Variants in HTRA1 observed in about 807,000 individuals in gnomAD.
HTRA1 encodes HtrA serine peptidase 1.
A neutral mutation model predicts 49.7 loss-of-function variants in HTRA1; 26 were observed. The observed-to-expected ratio is 0.52, with a 90% CI of 0.38 to 0.73. HTRA1 has a LOEUF of 0.73. Ranked by LOEUF, HTRA1 falls within the 30% of genes least tolerant of loss-of-function variation. The pLI, the probability that HTRA1 is intolerant of heterozygous loss-of-function variation, is 0.00. For missense variants in HTRA1, 561 were observed against 667.2 expected, an observed-to-expected ratio of 0.84 and a Z score of 1.75; for synonymous variants, 291 against 286.9, an observed-to-expected ratio of 1.01 and a Z score of -0.14.
chr10:122,498,363 C>G (rs1205011500), intron 3 of HTRA1, among the ~76,000 whole-genome samples: 1 of 152,164 alleles, frequency 6.6e-6, no homozygotes, highest in East Asian at 1.9e-4. Context: ...TCTTCTCAGT[C>G]TGTATATGTC....
At chr10:122,477,093 G>C (rs930921385) in intron 1 of HTRA1, among the ~76,000 whole-genome samples, 3 of 150,026 alleles carry the variant, frequency 2.0e-5, no homozygotes, top group African/African-American at 2.5e-5. Context: ...TCAGCCTCCC[G>C]AGTAGCTGGG....
intron 1 of HTRA1, among the ~76,000 whole-genome samples, chr10:122,485,170 T>G (rs1336394726): frequency 6.6e-6 from 1 of 152,266 alleles, no homozygotes; most frequent in Non-Finnish European, 1.5e-5. Context: ...TTTCTTCTTC[T>G]TTCAGTTGAC....
Position 122,507,421 on chromosome 10 carries a change from A to C in HTRA1, c.1005+19A>C, listed in dbSNP as rs540881121. The C allele has an allele frequency of 6.3e-7, 1 of 1,583,592 alleles. No homozygotes were observed. The highest frequency in any genetic ancestry group is 1.1e-5 in the South Asian group (1 of 90,458). On this transcript the variant is annotated intron_variant, in intron 5 of 8. Transcript: ENST00000368984. ...AAACCTGGTAAGGTCTTTTAAACCT[A>C]TGTTAGGTCATTTGTTTTTATCTAT...
intron 1 of HTRA1, among the ~76,000 whole-genome samples, chr10:122,480,648 C>T (rs1032318614): frequency 2.0e-5 from 3 of 152,090 alleles, no homozygotes; most frequent in Non-Finnish European, 4.4e-5. Context: ...GGCGTGAGTG[C>T]CCCTCATGCT....
At position 122,468,471 on chromosome 10, in the gene HTRA1, G is replaced by C. The variant is rs111944833; in HGVS notation, c.472+6347G>C. On this transcript the variant is annotated intron_variant, in intron 1 of 8. Transcript: ENST00000368984. ...CAAGGCACTGACAAAGGAGTCAGCT[G>C]TGTGGGAGGAGTGCTGGGACACTCT... Among the ~76,000 whole-genome samples, 954 of 151,358 alleles carry C rather than the reference G, an allele frequency of 6.3e-3. 16 individuals are homozygous for C. Among genetic ancestry groups the C allele is most frequent in the African/African-American group, 0.022 (898 of 41,250 alleles).
chr10:122,462,675 A>G (rs997826282), intron 1 of HTRA1, among the ~76,000 whole-genome samples: 19 of 152,350 alleles, frequency 1.2e-4, no homozygotes, highest in Non-Finnish European at 2.4e-4. Context: ...TTCTCCAAAA[A>G]GTCTACCCCG....
chr10:122,461,681 CGCT>C lies in HTRA1; in HGVS notation c.46_48del (p.Leu16del), dbSNP rs746547640. 3,941 of 1,263,218 alleles carry C rather than the reference CGCT, an allele frequency of 3.1e-3. No homozygotes were observed. Among genetic ancestry groups the C allele is most frequent in the South Asian group, 9.0e-3 (604 of 67,018 alleles). The allele number at this position is 1,263,218 out of a possible 1,614,324, so 78.3% of individuals were successfully genotyped here. On this transcript the variant is annotated inframe_deletion, in exon 1 of 9. Transcript: ENST00000368984. ...CAGATCCCGCGCGCCGCTCTTCTCC[CGCT>C]GCTGCTGCTGCTGCTGGCGGCGCCC...
At position 122,461,760 on chromosome 10, in the gene HTRA1, G is replaced by C. The variant is rs2293870; in HGVS notation, c.108G>C (p.Gly36=). The C allele has an allele frequency of 0.13, 145,436 of 1,101,636 alleles. 10,663 individuals carry two copies. The highest frequency in any genetic ancestry group is 0.15 in the Non-Finnish European group (132,956 of 903,188). 68.2% of individuals were successfully genotyped at this position (1,101,636 alleles called of 1,614,324 possible). A position where few individuals can be genotyped will look rare whatever the true frequency, so the allele number is the denominator to read the frequency against. The part of the protein sequence containing the change: ...RAGRSAPLAA[G]CPDRCEPARC... Reference sequence around the variant, plus strand: ...GCCGCTCGGCGCCTTTGGCCGCCGGGTGCCCAGACCGCTGCGAGCCGGCGC... The same window carrying C: ...GCCGCTCGGCGCCTTTGGCCGCCGGCTGCCCAGACCGCTGCGAGCCGGCGC... Residue 36 remains glycine, a synonymous_variant, in exon 1 of 9, where the codon GGG becomes GGC. Transcript: ENST00000368984.
chr10:122,502,835 G>A (rs1391352674), intron 3 of HTRA1, among the ~76,000 whole-genome samples: 1 of 152,234 alleles, frequency 6.6e-6, no homozygotes, highest in African/African-American at 2.4e-5. Context: ...GCAGGCATGG[G>A]TTGTTTTTGC....
At chr10:122,489,119 TTAAGA>T (rs1319775207) in intron 2 of HTRA1, 118 bp downstream of exon 2, 6 of 781,604 alleles carry the variant, frequency 7.7e-6, no homozygotes, top group African/African-American at 1.7e-5. Flanking sequence ...ATCTTCCTAC[TTAAGA>T]TAAGTGTGTC....
At position 122,514,209 on chromosome 10, in the gene HTRA1, C is replaced by T. The variant is rs774277917; in HGVS notation, c.1293C>T (p.Asn431=). Residue 431 remains asparagine (N), a synonymous_variant, in exon 9 of 9, where the codon AAC becomes AAT. Transcript: ENST00000368984. ...GTTGCAGTGGTGGTCTCAAGGAAAA[C>T]GACGTCATAATCAGCATCAATGGAC... The part of the protein sequence containing the change: ...TPAEAGGLKE[N]DVIISINGQS... The T allele has an allele frequency of 1.5e-5, 24 of 1,613,728 alleles. No homozygotes were observed. The highest frequency in any genetic ancestry group is 1.7e-4 in the Middle Eastern group (1 of 5,986).
At position 122,508,581 on chromosome 10, in the gene HTRA1, G is replaced by T. The variant is rs113696683; in HGVS notation, c.1006-75G>T. On this transcript the variant is annotated intron_variant, in intron 5 of 8. Transcript: ENST00000368984. ...TGAAATAGCTCAGGGACTTCTTTCA[G>T]GCATATTCTCTCTGGGTGTGTACCT... is the stretch of plus-strand genomic sequence containing the variant. 1,651 of 941,984 alleles carry T rather than the reference G, an allele frequency of 1.8e-3. 22 individuals are homozygous for T. In the African/African-American group the frequency reaches 0.024, roughly 14 times the overall value. 58.4% of individuals were successfully genotyped at this position (941,984 alleles called of 1,614,324 possible).
intron 6 of HTRA1, among the ~76,000 whole-genome samples, chr10:122,509,615 G>A (rs897686361): frequency 3.9e-5 from 6 of 152,172 alleles, no homozygotes; most frequent in African/African-American, 1.4e-4. Context: ...GCATCCTAAC[G>A]ACATTTAAGA....
At chr10:122,482,917 C>CAAAA (rs59042439) in intron 1 of HTRA1, among the ~76,000 whole-genome samples, 8 of 75,000 alleles carry the variant, frequency 1.1e-4, no homozygotes, top group Non-Finnish European at 1.5e-4. Flanking sequence ...GACTCTGTCT[C>CAAAA]AAAAAAAAAA....
chr10:122,511,711 C>T (rs934253189), intron 7 of HTRA1, among the ~76,000 whole-genome samples: 3 of 145,818 alleles, frequency 2.1e-5, no homozygotes, highest in East Asian at 2.0e-4. Context: ...CCAGCCTGGG[C>T]GACAGAGCAA....
intron 1 of HTRA1, among the ~76,000 whole-genome samples, chr10:122,463,646 C>T (rs183962302): frequency 3.0e-4 from 46 of 152,326 alleles, no homozygotes; most frequent in African/African-American, 1.1e-3. Context: ...GGACTACAGG[C>T]GGATGCCACC....
intron 8 of HTRA1, among the ~76,000 whole-genome samples, chr10:122,512,379 C>G (rs1170587124): frequency 6.6e-6 from 1 of 152,204 alleles, no homozygotes; most frequent in African/African-American, 2.4e-5. Context: ...GTTTCAGGAA[C>G]AGTGTCCCCA....
At chr10:122,491,909 C>CT (rs903823447) in intron 3 of HTRA1, among the ~76,000 whole-genome samples, 27 of 152,162 alleles carry the variant, frequency 1.8e-4, no homozygotes, top group Admixed American at 5.2e-4. Flanking sequence ...GACTAAACTG[C>CT]TTTTTTTTGC....
rs1453029370 is a variant in HTRA1, at chr10:122,487,486, T to C, written c.473-1416T>C. 6.6e-6 allele frequency among the ~76,000 whole-genome samples: 1 copy of C among 152,208 alleles called. No homozygotes were observed. Among genetic ancestry groups the C allele is most frequent in the African/African-American group, 2.4e-5 (1 of 41,442 alleles). The stretch of plus-strand genomic sequence containing the variant: ...ACCTTGGGTATGTGCCTCTGGTTGA[T>C]GGAAACTAACTTGTAGCCCTGCTGG... On this transcript the variant is annotated intron_variant, in intron 1 of 8. Coordinates refer to ENST00000368984, the MANE Select transcript of HTRA1 (RefSeq NM_002775.5). This position sits in a 1 kb window ranked among gnomAD's most constrained non-coding sequence, Gnocchi z 4.8.
Sources: gnomAD v4.1 joint callset for allele counts (sites outside exome capture counted in the v4.1 genomes callset) on GRCh38, gnomAD v4.1.1 for gene constraint, Gnocchi (gnomAD v3.1) non-coding constraint, MANE v1.5 for transcripts, NCBI Gene and HGNC (gene_info 2026-07-23, HGNC 2026-07-21) for gene names.